ANKRD28: variants seen among roughly 807,000 people sequenced by gnomAD.
ANKRD28 encodes the protein ankyrin repeat domain 28, also known as serine/threonine-protein phosphatase 6 regulatory ankyrin repeat subunit A.
In ANKRD28, 44 loss-of-function variants were observed where a neutral mutation model predicts 126.5. The ratio of observed to expected loss-of-function variants is 0.35; its 90% CI spans 0.27 to 0.45. The LOEUF is 0.45. Ranked by LOEUF, ANKRD28 falls within the 20% of genes least tolerant of loss-of-function variation. The pLI, the probability that ANKRD28 is intolerant of heterozygous loss-of-function variation, is 1.00. For synonymous variants in ANKRD28, 442 were observed against 468.5 expected (o/e 0.94, Z 0.73); for missense variants, 1,110 against 1,316.6 (o/e 0.84, Z 2.43).
intron 2 of ANKRD28, among the ~76,000 whole-genome samples, chr3:15,770,402 A>C: frequency 7.3e-6 from 1 of 136,982 alleles, no homozygotes; most frequent in South Asian, 2.3e-4. Flanking sequence ...TGTATTGAAT[A>C]CATATATATA....
intron 1 of ANKRD28, among the ~76,000 whole-genome samples, chr3:15,836,399 T>C (rs2061326890): frequency 6.6e-6 from 1 of 151,226 alleles, no homozygotes. Flanking sequence ...AAATAGAAAA[T>C]AGAAAAGGTG....
chr3:15,701,885 G>A (rs1200271333), intron 14 of ANKRD28, among the ~76,000 whole-genome samples: 1 of 152,042 alleles, frequency 6.6e-6, no homozygotes. Context: ...TGCAGAAAAA[G>A]CCTGCAAGTC....
rs1389862675 is a variant in ANKRD28, at chr3:15,669,874, C to G, written c.*396G>C. Reference sequence around the variant, plus strand: ...TGCACATAATGCCTACTGTACCAAACTTTTATTGCCTTTAAATTTAGTTGT... The same window carrying G: ...TGCACATAATGCCTACTGTACCAAAGTTTTATTGCCTTTAAATTTAGTTGT... On this transcript the variant is annotated 3_prime_UTR_variant, in exon 28 of 28. Transcript: ENST00000683139. 1.8e-5 allele frequency: 3 copies of G among 163,926 alleles called. No homozygotes were observed. Among genetic ancestry groups the G allele is most frequent in the African/African-American group, 7.2e-5 (3 of 41,590 alleles). The allele number at this position is 163,926 out of a possible 1,614,324, so 10.2% of individuals were successfully genotyped here.
chr3:15,744,562 C>A (rs1280222142), intron 4 of ANKRD28, among the ~76,000 whole-genome samples: 2 of 151,800 alleles, frequency 1.3e-5, no homozygotes, highest in Non-Finnish European at 1.5e-5. Context: ...GGTGATCTGC[C>A]CACCTCAGCC....
intron 2 of ANKRD28, among the ~76,000 whole-genome samples, chr3:15,791,536 T>TG (rs894102665): frequency 6.6e-6 from 1 of 152,164 alleles, no homozygotes; most frequent in African/African-American, 2.4e-5. Flanking sequence ...CTTTAATAAA[T>TG]GGTGCTGGGA....
intron 17 of ANKRD28, among the ~76,000 whole-genome samples, chr3:15,691,106 T>C (rs1488433422): frequency 1.3e-5 from 2 of 152,002 alleles, no homozygotes; most frequent in African/African-American, 4.8e-5. Context: ...AGACTGAAGA[T>C]TTGTCAGACT....
chr3:15,708,576 T>C (rs1262494787), intron 13 of ANKRD28, among the ~76,000 whole-genome samples: 1 of 152,182 alleles, frequency 6.6e-6, no homozygotes, highest in Non-Finnish European at 1.5e-5. Flanking sequence ...TCTCTGTTAT[T>C]TGTAGTATAG....
chr3:15,849,263 T>C (rs997400657), intron 1 of ANKRD28, among the ~76,000 whole-genome samples: 4 of 152,196 alleles, frequency 2.6e-5, no homozygotes, highest in African/African-American at 7.2e-5. Flanking sequence ...CCTATCGAAA[T>C]TACAACTGTC....
chr3:15,774,258 A>C (rs928679668), intron 2 of ANKRD28, among the ~76,000 whole-genome samples: 5 of 152,224 alleles, frequency 3.3e-5, no homozygotes, highest in Admixed American at 6.5e-5. Flanking sequence ...GAAGTTAATG[A>C]ATTAAACTTC....
At position 15,707,829 on chromosome 3, in the gene ANKRD28, A is replaced by C. The variant is rs545658802; in HGVS notation, c.1547+95T>G. ...GGCAAAGATAATCAACAAAAAATAC[A>C]AAGAGGAAACACAAATTTGCAACAA... On this transcript the variant is annotated intron_variant, in intron 14 of 27. Transcript: ENST00000683139. 5 of 1,437,576 alleles carry C rather than the reference A, an allele frequency of 3.5e-6. No homozygotes were observed. The East Asian group carries it at 1.2e-4, about 34-fold the overall frequency. The allele number at this position is 1,437,576 out of a possible 1,614,324, so 89.1% of individuals were successfully genotyped here.
chr3:15,751,685 G>A (rs532366538), intron 4 of ANKRD28, 65 bp downstream of exon 4: 47 of 1,031,446 alleles, frequency 4.6e-5, no homozygotes, highest in African/African-American at 3.9e-4. Flanking sequence ...ATTTGAATAT[G>A]GATTCAGGGG....
chr3:15,842,125 T>TA (rs1474964228), intron 1 of ANKRD28, among the ~76,000 whole-genome samples: 8 of 150,834 alleles, frequency 5.3e-5, no homozygotes, highest in Non-Finnish European at 1.2e-4. Flanking sequence ...ACATTATATA[T>TA]AAAAACCTTG....
intron 14 of ANKRD28, among the ~76,000 whole-genome samples, chr3:15,699,702 T>C (rs940979805): frequency 2.6e-5 from 4 of 152,192 alleles, no homozygotes; most frequent in Non-Finnish European, 4.4e-5. Context: ...CTCACGCCAG[T>C]TAGAATGGCC....
At chr3:15,798,563 A>AT (rs1336096067), upstream of ANKRD28, among the ~76,000 whole-genome samples, 1 of 152,124 alleles carries the variant, frequency 6.6e-6, no homozygotes, top group Non-Finnish European at 1.5e-5. Flanking sequence ...AAATCATTTG[A>AT]TTTTTCACTG....
intron 2 of ANKRD28, among the ~76,000 whole-genome samples, chr3:15,767,913 A>G (rs550806697): frequency 2.4e-4 from 35 of 144,130 alleles, no homozygotes; most frequent in African/African-American, 9.3e-4. Flanking sequence ...CAAAACAACA[A>G]AAACAAAAAC....
intron 1 of ANKRD28, among the ~76,000 whole-genome samples, chr3:15,852,818 G>A (rs557499902): frequency 1.1e-4 from 14 of 131,634 alleles, no homozygotes; most frequent in African/African-American, 3.8e-4. Flanking sequence ...GGGCGACAGT[G>A]CGAGACTCTG....
intron 12 of ANKRD28, among the ~76,000 whole-genome samples, chr3:15,710,436 C>A (rs1397671726): frequency 6.6e-6 from 1 of 152,148 alleles, no homozygotes; most frequent in African/African-American, 2.4e-5. Flanking sequence ...CTGGAAGGTT[C>A]TCTGGCGACC....
intron 17 of ANKRD28, among the ~76,000 whole-genome samples, chr3:15,693,163 G>T (rs900308003): frequency 1.3e-5 from 2 of 152,168 alleles, no homozygotes; most frequent in Non-Finnish European, 1.5e-5. Context: ...AAGATAAAAA[G>T]ATTCTGGAGA....
At chr3:15,850,204 A>ATATATATATATATATATAT (rs1553650054) in intron 1 of ANKRD28, among the ~76,000 whole-genome samples, 28 of 54,796 alleles carry the variant, frequency 5.1e-4, no homozygotes, top group Non-Finnish European at 6.9e-4. Context: ...AAAAAAAAAA[A>ATATATATATATATATATAT]ATATATATAT....
Sources: allele counts gnomAD v4.1 joint callset (sites outside exome capture counted in the v4.1 genomes callset), GRCh38; gene constraint gnomAD v4.1.1; transcripts MANE v1.5; gene names NCBI Gene and HGNC (gene_info 2026-07-23, HGNC 2026-07-21).